Variants in SATB1 observed in about 807,000 individuals in gnomAD.
SATB1 encodes the protein SATB homeobox 1.
Under a neutral mutation model 86.9 loss-of-function variants are expected in SATB1, and 11 were observed. That is an observed-to-expected ratio of 0.13 (90% CI 0.08 to 0.21). SATB1 has a LOEUF of 0.21. SATB1 is among the 10% of genes least tolerant of loss of function. The pLI is 1.00. For missense variants in SATB1, 551 were observed against 937.6 expected, an observed-to-expected ratio of 0.59 and a Z score of 5.39; for synonymous variants, 357 against 357.2, an observed-to-expected ratio of 1.00 and a Z score of 0.01.
chr3:18,439,836 T>G (rs920958037), upstream of SATB1, among the ~76,000 whole-genome samples: 59 of 152,136 alleles, frequency 3.9e-4, no homozygotes, highest in African/African-American at 1.1e-3. Context: ...AAAGGGGTCT[T>G]GAAAAAGAAA....
At chr3:18,440,717 C>T (rs1699218917), upstream of SATB1, among the ~76,000 whole-genome samples, 2 of 152,094 alleles carry the variant, frequency 1.3e-5, no homozygotes, top group Admixed American at 6.5e-5. Flanking sequence ...GATGATTTTT[C>T]GTGCCTGATC....
chr3:18,428,796 G>A (rs1698795917), upstream of SATB1, among the ~76,000 whole-genome samples: 2 of 152,200 alleles, frequency 1.3e-5, no homozygotes, highest in African/African-American at 4.8e-5. Context: ...ACTACTGCAT[G>A]TTTCAGATGG....
chr3:18,432,803 CA>C (rs5846986), intron 2 of SATB1, among the ~76,000 whole-genome samples: 50,617 of 137,492 alleles, frequency 0.37, 9,131 homozygotes, highest in East Asian at 0.57. Context: ...TAAACATTTT[CA>C]AAAAAAAAAA....
intron 4 of SATB1, 42 bp from the exon 5 acceptor site, chr3:18,415,276 G>A (rs1259555709): frequency 3.7e-6 from 6 of 1,608,350 alleles, no homozygotes; most frequent in South Asian, 1.1e-5. Flanking sequence ...TTACAAGATT[G>A]CATCCCGCTG....
At position 18,394,377 on chromosome 3, in the gene SATB1, T is replaced by C; in HGVS notation, c.1206+85A>G. On this transcript the variant is annotated intron_variant, in intron 7 of 10. Coordinates refer to ENST00000338745, the MANE Select transcript of SATB1 (RefSeq NM_002971.6). The surrounding 1 kb of genome is among the most constrained non-coding windows in gnomAD (Gnocchi z 5.9). The stretch of plus-strand genomic sequence containing the variant: ...GAGAGAGAAAATGTTAGTACAGAAG[T>C]AAAAGAATAAACTTTAGTTATAGAT... 2.6e-6 allele frequency: 3 copies of C among 1,133,612 alleles called. No individual in the cohort carries two copies. Among genetic ancestry groups the C allele is most frequent in the Non-Finnish European group, 2.6e-6 (2 of 765,998 alleles). 70.2% of individuals were successfully genotyped at this position (1,133,612 alleles called of 1,614,324 possible).
At chr3:18,383,591 C>T (rs1458313052) in intron 8 of SATB1, among the ~76,000 whole-genome samples, 1 of 152,158 alleles carries the variant, frequency 6.6e-6, no homozygotes, top group East Asian at 1.9e-4. Flanking sequence ...ACTGATTTCA[C>T]ATGGACTCCT....
chr3:18,413,971 C>G lies in SATB1; in HGVS notation c.639+1140G>C, dbSNP rs1183782274. On this transcript the variant is annotated intron_variant, in intron 5 of 10. Transcript: ENST00000338745. ...CTGACAAGATTCCCTTCAAAGGTAC[C>G]CAATAATCTTCATAAGCCTCACATT... 2.6e-5 allele frequency among the ~76,000 whole-genome samples: 4 copies of G among 152,040 alleles called. No individual in the cohort carries two copies. The East Asian group carries it at 7.7e-4, about 29-fold the overall frequency.
intron 9 of SATB1, among the ~76,000 whole-genome samples, chr3:18,356,138 G>C (rs1189236579): frequency 6.6e-6 from 1 of 151,884 alleles, no homozygotes; most frequent in African/African-American, 2.4e-5. Context: ...ATGCCATGCA[G>C]ATGAATTCTG....
intron 2 of SATB1, among the ~76,000 whole-genome samples, chr3:18,434,190 C>T (rs1221727825): frequency 6.6e-6 from 1 of 151,992 alleles, no homozygotes; most frequent in African/African-American, 2.4e-5. Flanking sequence ...GGTAACAAGG[C>T]TCTCAAAAAT....
At chr3:18,369,020 C>T (rs1157474446) in intron 9 of SATB1, among the ~76,000 whole-genome samples, 1 of 152,072 alleles carries the variant, frequency 6.6e-6, no homozygotes, top group East Asian at 1.9e-4. Flanking sequence ...AAAGCAGAAT[C>T]CTCAGGGTTT....
chr3:18,372,773 A>G (rs958456162), intron 9 of SATB1, among the ~76,000 whole-genome samples: 1 of 152,218 alleles, frequency 6.6e-6, no homozygotes. Context: ...GCATTCAACT[A>G]GAAATATAAA....
At chr3:18,411,798 T>A (rs1018927280) in intron 5 of SATB1, among the ~76,000 whole-genome samples, 2 of 152,062 alleles carry the variant, frequency 1.3e-5, no homozygotes, top group Non-Finnish European at 2.9e-5. Context: ...AAACACATGG[T>A]ACAAAGAATT....
chr3:18,417,477 C>T, intron 2 of SATB1: 1 of 588,374 alleles, frequency 1.7e-6, no homozygotes, highest in African/African-American at 1.9e-5. Context: ...TCAGAAGAAC[C>T]CACCTTTCTA....
At position 18,385,918 on chromosome 3, in the gene SATB1, A is replaced by T. The variant is rs192539284; in HGVS notation, c.1419+481T>A. On this transcript the variant is annotated intron_variant, in intron 8 of 10. Coordinates refer to ENST00000338745, the MANE Select transcript of SATB1 (RefSeq NM_002971.6). ...GCCCCATTTAAAGCTGCCTTCAAGGATTTTATTAAACTTAATTATGAAAGA... is the reference window on the plus strand; with the variant it reads ...GCCCCATTTAAAGCTGCCTTCAAGGTTTTTATTAAACTTAATTATGAAAGA... Among the ~76,000 whole-genome samples the T allele has an allele frequency of 1.3e-4, 20 of 152,300 alleles. No individual in the cohort carries two copies. In the East Asian group the frequency reaches 3.5e-3, roughly 26 times the overall value.
At chr3:18,357,462 T>C (rs1449634027) in intron 9 of SATB1, among the ~76,000 whole-genome samples, 2 of 151,694 alleles carry the variant, frequency 1.3e-5, no homozygotes, top group African/African-American at 4.8e-5. Flanking sequence ...AATTTTCTAC[T>C]TTTAAAAGAA....
intron 2 of SATB1, among the ~76,000 whole-genome samples, chr3:18,418,112 A>C (rs1160396003): frequency 6.6e-6 from 1 of 152,198 alleles, no homozygotes; most frequent in Non-Finnish European, 1.5e-5. Flanking sequence ...CCAGAAGGGT[A>C]TCATCTTTAG....
chr3:18,354,315 C>G (rs1414072594), intron 9 of SATB1, among the ~76,000 whole-genome samples: 7 of 152,132 alleles, frequency 4.6e-5, no homozygotes, highest in Non-Finnish European at 2.9e-5. Context: ...AGATTATCTT[C>G]TGGTAGGCTT....
intron 4 of SATB1, among the ~76,000 whole-genome samples, chr3:18,415,488 G>C (rs866238919): frequency 1.3e-5 from 2 of 152,074 alleles, no homozygotes; most frequent in African/African-American, 4.8e-5. Context: ...TGATGCGCTT[G>C]GGAAGACAAT....
intron 5 of SATB1, among the ~76,000 whole-genome samples, chr3:18,398,643 T>C (rs959476647): frequency 6.6e-6 from 1 of 152,194 alleles, no homozygotes; most frequent in Admixed American, 6.5e-5. Context: ...GGGGGATCTC[T>C]AAAGAACTTC....
Sources: allele counts gnomAD v4.1 joint callset (sites outside exome capture counted in the v4.1 genomes callset), GRCh38; gene constraint gnomAD v4.1.1; non-coding constraint Gnocchi (gnomAD v3.1); transcripts MANE v1.5; gene names NCBI Gene and HGNC (gene_info 2026-07-23, HGNC 2026-07-21).